Variants in ZBBX observed in about 807,000 individuals in gnomAD.
ZBBX encodes zinc finger B-box domain containing, also known as zinc finger B-box domain-containing protein 1.
Under a neutral mutation model 108.5 loss-of-function variants are expected in ZBBX, and 101 were observed. The ratio of observed to expected loss-of-function variants is 0.93; its 90% CI spans 0.79 to 1.10. The LOEUF is 1.10. Ranked by LOEUF, ZBBX falls within the 50% of genes least tolerant of loss-of-function variation. The probability of loss-of-function intolerance (pLI) is 0.00; values close to 1 mark genes in which losing one functional copy is unlikely to be tolerated. For missense variants in ZBBX, 1,009 were observed against 941.4 expected, an observed-to-expected ratio of 1.07 and a Z score of -0.94; for synonymous variants, 356 against 323.4, an observed-to-expected ratio of 1.10 and a Z score of -1.08.
the ZBBX span, among the ~76,000 whole-genome samples, chr3:167,181,884 G>T: frequency 9.2e-5 from 14 of 152,152 alleles, no homozygotes; most frequent in Admixed American, 9.2e-4. Context: ...TTTTTGTAGG[G>T]GTTCCCCAGG....
chr3:167,296,840 C>G (rs1460269762), intron 18 of ZBBX, among the ~76,000 whole-genome samples: 2 of 151,902 alleles, frequency 1.3e-5, no homozygotes, highest in Non-Finnish European at 2.9e-5. Flanking sequence ...CTATCAAAAG[C>G]TCAATGACAT....
intron 1 of ZBBX, among the ~76,000 whole-genome samples, chr3:167,407,223 A>G (rs1748612720): frequency 6.6e-6 from 1 of 152,208 alleles, no homozygotes; most frequent in Non-Finnish European, 1.5e-5. Context: ...AAATCCAAAT[A>G]AGGATGTGAA....
intron 8 of ZBBX, among the ~76,000 whole-genome samples, chr3:167,356,032 T>C (rs1174833111): frequency 2.0e-5 from 3 of 152,078 alleles, no homozygotes; most frequent in Non-Finnish European, 1.5e-5. Flanking sequence ...AAGCCCTATC[T>C]ACTTGTGTCA....
chr3:167,212,470 A>G, the ZBBX span, among the ~76,000 whole-genome samples: 1 of 152,140 alleles, frequency 6.6e-6, no homozygotes, highest in Non-Finnish European at 1.5e-5. Context: ...CAAAGACCCT[A>G]AGCCTTATCC....
the ZBBX span, among the ~76,000 whole-genome samples, chr3:167,224,513 T>C: frequency 1.3e-5 from 2 of 151,914 alleles, no homozygotes; most frequent in African/African-American, 4.8e-5. Context: ...ACAGGTTAAT[T>C]AGCCAAATTT....
At chr3:167,391,434 G>A (rs1278344907) in intron 1 of ZBBX, among the ~76,000 whole-genome samples, 2 of 151,942 alleles carry the variant, frequency 1.3e-5, no homozygotes, top group East Asian at 3.9e-4. Flanking sequence ...AGGGATAATG[G>A]CCTGAAATTT....
chr3:167,229,355 CT>C, the ZBBX span, among the ~76,000 whole-genome samples: 1 of 151,830 alleles, frequency 6.6e-6, no homozygotes, highest in African/African-American at 2.4e-5. Flanking sequence ...TGAGGTCAAT[CT>C]GCATTTATTA....
intron 20 of ZBBX, among the ~76,000 whole-genome samples, chr3:167,250,840 C>T (rs1428442185): frequency 6.6e-6 from 1 of 152,162 alleles, no homozygotes; most frequent in African/African-American, 2.4e-5. Context: ...ACAACAGGCA[C>T]TCCTGCTTTC....
intron 18 of ZBBX, among the ~76,000 whole-genome samples, chr3:167,294,473 T>C (rs572670810): frequency 8.9e-4 from 136 of 152,328 alleles, no homozygotes; most frequent in African/African-American, 3.2e-3. Context: ...TAAATGGTGT[T>C]GGGAAAACTG....
At chr3:167,283,810 T>C (rs1165780624) in intron 19 of ZBBX, among the ~76,000 whole-genome samples, 2 of 152,094 alleles carry the variant, frequency 1.3e-5, no homozygotes, top group Non-Finnish European at 2.9e-5. Context: ...ACCCAGCTAA[T>C]TTTTGTATTT....
At chr3:167,291,101 G>A (rs762022051) in intron 18 of ZBBX, among the ~76,000 whole-genome samples, 6 of 152,018 alleles carry the variant, frequency 3.9e-5, no homozygotes, top group African/African-American at 1.2e-4. Flanking sequence ...TCAAAGTGAC[G>A]GGGAGAATGG....
chr3:167,400,664 G>C (rs539464013), intron 1 of ZBBX, among the ~76,000 whole-genome samples: 1 of 152,000 alleles, frequency 6.6e-6, no homozygotes, highest in Non-Finnish European at 1.5e-5. Flanking sequence ...TTGAGGGCCC[G>C]TACCCGTGAC....
At chr3:167,241,212 C>G (rs762408448) in intron 21 of ZBBX, among the ~76,000 whole-genome samples, 2 of 152,138 alleles carry the variant, frequency 1.3e-5, no homozygotes, top group African/African-American at 2.4e-5. Flanking sequence ...CTTTAGAAAC[C>G]TGCAGAGCCT....
At chr3:167,319,768 C>CT (rs1256699318) in intron 12 of ZBBX, among the ~76,000 whole-genome samples, 15 of 151,842 alleles carry the variant, frequency 9.9e-5, no homozygotes, top group Non-Finnish European at 2.2e-4. Flanking sequence ...TCTGAAACTA[C>CT]TGTATGTATA....
the ZBBX span, among the ~76,000 whole-genome samples, chr3:167,219,425 G>A: frequency 6.6e-6 from 1 of 151,960 alleles, no homozygotes; most frequent in African/African-American, 2.4e-5. Context: ...ATTATATCAA[G>A]TATCTTCTCT....
intron 18 of ZBBX, among the ~76,000 whole-genome samples, chr3:167,289,702 G>C (rs1036306642): frequency 1.3e-5 from 2 of 152,160 alleles, no homozygotes; most frequent in Non-Finnish European, 2.9e-5. Flanking sequence ...CTAGCCACAG[G>C]AGTTTATTTC....
At chr3:167,366,296 T>C (rs1389732996) in intron 5 of ZBBX, among the ~76,000 whole-genome samples, 2 of 151,838 alleles carry the variant, frequency 1.3e-5, no homozygotes, top group Non-Finnish European at 2.9e-5. Context: ...CAGGTCTTTA[T>C]GAAATTTTAA....
intron 8 of ZBBX, among the ~76,000 whole-genome samples, chr3:167,357,550 T>TA (rs1412920611): frequency 1.3e-5 from 2 of 152,086 alleles, no homozygotes; most frequent in Non-Finnish European, 2.9e-5. Flanking sequence ...GAGGTATTTG[T>TA]ACACTCATGT....
In ZBBX at chr3:167,322,186, G is replaced by A; in HGVS notation, c.914C>T (p.Pro305Leu). ...VQTNLKIWRE[P>L]LNIELKEDIL... ...GTCTTCTTTAAGTTCAATATTAAGT[G>A]GTTCTCTCCAAATTTTCAGATTAGT... Residue 305 changes from proline to leucine, a missense_variant, in exon 12 of 22, where the codon CCA becomes CTA. Coordinates refer to ENST00000675490, the MANE Select transcript of ZBBX (RefSeq NM_001199201.2). The A allele has an allele frequency of 1.4e-6, 2 of 1,472,404 alleles. No homozygotes were observed. The highest frequency in any genetic ancestry group is 1.8e-6 in the Non-Finnish European group (2 of 1,106,028). The allele number at this position is 1,472,404 out of a possible 1,614,324, so 91.2% of individuals were successfully genotyped here. A position where few individuals can be genotyped will look rare whatever the true frequency, so the allele number is the denominator to read the frequency against.
Sources: gnomAD v4.1 joint callset for allele counts (sites outside exome capture counted in the v4.1 genomes callset) on GRCh38, gnomAD v4.1.1 for gene constraint, MANE v1.5 for transcripts, NCBI Gene and HGNC (gene_info 2026-07-23, HGNC 2026-07-21) for gene names.